The following DENND6A variants were observed in gnomAD, a reference collection of about 807,000 sequenced individuals.
DENND6A encodes the protein protein DENND6A.
A neutral mutation model predicts 95.5 loss-of-function variants in DENND6A; 43 were observed. The ratio of observed to expected loss-of-function variants is 0.45; its 90% CI spans 0.35 to 0.58. The LOEUF (loss-of-function observed/expected upper bound fraction) is 0.58, where lower values mean the gene tolerates loss of function less well. DENND6A is among the 20% of genes least tolerant of loss of function. The pLI is 0.00. For missense variants in DENND6A, 574 were observed against 736.0 expected, an observed-to-expected ratio of 0.78 and a Z score of 2.55; for synonymous variants, 257 against 260.4, an observed-to-expected ratio of 0.99 and a Z score of 0.13.
At chr3:57,662,438 A>C (rs980169131) in intron 5 of DENND6A, among the ~76,000 whole-genome samples, 3 of 151,886 alleles carry the variant, frequency 2.0e-5, no homozygotes, top group Non-Finnish European at 4.4e-5. Flanking sequence ...CCTAGACTTA[A>C]GCAATCTGCC....
chr3:57,668,539 G>A (rs2153416132), intron 3 of DENND6A, among the ~76,000 whole-genome samples: 1 of 152,278 alleles, frequency 6.6e-6, no homozygotes, highest in African/African-American at 2.4e-5. Flanking sequence ...TCAGAGGGAA[G>A]GCCCTCTTTA....
intron 5 of DENND6A, among the ~76,000 whole-genome samples, chr3:57,662,185 CTTTTTTTT>C (rs60063768): frequency 2.5e-5 from 2 of 79,136 alleles, no homozygotes; most frequent in African/African-American, 9.6e-5. Context: ...TTTCTTTTTT[CTTTTTTTT>C]TTTTTTTTTT....
At chr3:57,660,711 A>G in intron 7 of DENND6A, 49 bp downstream of exon 7, 1 of 1,517,510 alleles carries the variant, frequency 6.6e-7, no homozygotes, top group Non-Finnish European at 8.9e-7. Context: ...CTGTCTCAAA[A>G]AAATAAAAAT....
Position 57,630,475 on chromosome 3 carries a change from C to T in DENND6A, c.1566G>A (p.Arg522=). Residue 522 remains arginine (R), a synonymous_variant, in exon 18 of 20, where the codon AGG becomes AGA. Transcript: ENST00000311128. ...PNFDGWFKTR[R]KEMTQKLEAL... ...CCTCCAATTTTTGGGTCATTTCCTTCCTCCGGGTCTTAAACCAGCCATCAA... is the reference window on the plus strand; with the variant it reads ...CCTCCAATTTTTGGGTCATTTCCTTTCTCCGGGTCTTAAACCAGCCATCAA... 6.3e-7 allele frequency: 1 copy of T among 1,595,464 alleles called. No individual in the cohort carries two copies. Among genetic ancestry groups the T allele is most frequent in the Non-Finnish European group, 8.5e-7 (1 of 1,176,186 alleles).
intron 4 of DENND6A, among the ~76,000 whole-genome samples, chr3:57,665,329 C>G (rs1424713095): frequency 6.6e-6 from 1 of 152,060 alleles, no homozygotes; most frequent in Non-Finnish European, 1.5e-5. Flanking sequence ...GTGGGATGAC[C>G]TTGGGTAAGT....
chr3:57,651,275 T>C (rs2071204379), intron 9 of DENND6A, among the ~76,000 whole-genome samples: 1 of 152,216 alleles, frequency 6.6e-6, no homozygotes, highest in Non-Finnish European at 1.5e-5. Context: ...AAACGCACTT[T>C]CAACTTACAA....
At position 57,692,927 on chromosome 3, in the gene DENND6A, G is replaced by A; in HGVS notation, c.92C>T (p.Ala31Val). The stretch of plus-strand genomic sequence containing the variant: ...TGGCGCGCCTCCCGCCGCCACAAGG[G>A]CCGGCGCCTCGCGGCCCTCGGCCCC... ...VAGAEGREAP[A>V]LVAAGGAPED... The change falls in exon 1 of 20, where the codon GCC becomes GTC. Residue 31 changes from alanine (A) to valine (V), a missense_variant. Transcript: ENST00000311128. The A allele has an allele frequency of 3.2e-6, 5 of 1,565,742 alleles. No individual in the cohort carries two copies. Among genetic ancestry groups the A allele is most frequent in the Non-Finnish European group, 4.3e-6 (5 of 1,162,046 alleles).
chr3:57,659,041 T>C, intron 8 of DENND6A, 77 bp downstream of exon 8: 1 of 1,351,076 alleles, frequency 7.4e-7, no homozygotes, highest in Non-Finnish European at 1.0e-6. Context: ...CTCAAGAAAC[T>C]CTGCATTTGC....
intron 15 of DENND6A, chr3:57,631,201 A>G (rs1455298436): frequency 4.0e-6 from 2 of 498,592 alleles, no homozygotes; most frequent in African/African-American, 2.0e-5. Flanking sequence ...AGGGGACTAC[A>G]TTTTTTCTTT....
rs181021967 is a variant in DENND6A at position 57,668,461 on chromosome 3, C to G, written c.320-2226G>C. On this transcript the variant is annotated intron_variant, in intron 3 of 19. Transcript: ENST00000311128. ...TGGGCACTCATCACAGCTTAAGCCT[C>G]AGGAACACCTACATCCAGATGATGT... 4.1e-3 allele frequency among the ~76,000 whole-genome samples: 631 copies of G among 152,268 alleles called. 5 individuals carry two copies. Among genetic ancestry groups the G allele is most frequent in the African/African-American group, 0.015 (612 of 41,548 alleles).
chr3:57,667,936 G>A (rs1343028333), intron 3 of DENND6A, among the ~76,000 whole-genome samples: 1 of 151,896 alleles, frequency 6.6e-6, no homozygotes, highest in African/African-American at 2.4e-5. Flanking sequence ...TGCGGTGGCA[G>A]GCACCTGTAA....
At chr3:57,650,380 AT>A (rs547614122) in intron 9 of DENND6A, among the ~76,000 whole-genome samples, 134 of 151,610 alleles carry the variant, frequency 8.8e-4, no homozygotes, top group Admixed American at 1.6e-3. Context: ...TTAATAAAAA[AT>A]AATTTAATAT....
In DENND6A at chr3:57,660,772, C is replaced by T. The variant is rs2071409105; in HGVS notation, c.687G>A (p.Gly229=). Reference sequence around the variant, plus strand: ...TATAAGATATTACCTTCATTACCACCCCCATGATTGGCAGGTGTAATGTTT... The same window carrying T: ...TATAAGATATTACCTTCATTACCACTCCCATGATTGGCAGGTGTAATGTTT... The part of the protein sequence containing the change: ...PGKTLHLPIM[G]VVMKVRIPTC... The change falls in exon 7 of 20, where the codon GGG becomes GGA. Residue 229 remains glycine, a synonymous_variant. Coordinates refer to ENST00000311128, the MANE Select transcript of DENND6A (RefSeq NM_152678.3). 1 of 1,607,584 alleles carries T rather than the reference C, an allele frequency of 6.2e-7. No individual in the cohort carries two copies. Among genetic ancestry groups the T allele is most frequent in the African/African-American group, 1.3e-5 (1 of 74,564 alleles).
intron 9 of DENND6A, among the ~76,000 whole-genome samples, chr3:57,649,861 G>A (rs1370276249): frequency 7.3e-6 from 1 of 136,800 alleles, no homozygotes. Context: ...TATCCCACTA[G>A]ACCACGTCTC....
intron 12 of DENND6A, among the ~76,000 whole-genome samples, chr3:57,638,602 G>A (rs550904274): frequency 3.5e-4 from 53 of 152,222 alleles, no homozygotes; most frequent in African/African-American, 1.3e-3. Flanking sequence ...AGGTTGCAGT[G>A]AGCCAAGATT....
At chr3:57,635,577 TTATAA>T (rs1179126768) in intron 12 of DENND6A, among the ~76,000 whole-genome samples, 1 of 152,124 alleles carries the variant, frequency 6.6e-6, no homozygotes, top group Non-Finnish European at 1.5e-5. Context: ...ATTATAGAGA[TTATAA>T]TATAATTGAA....
intron 14 of DENND6A, 28 bp from the exon 15 acceptor site, chr3:57,633,382 T>G: frequency 6.4e-7 from 1 of 1,556,756 alleles, no homozygotes; most frequent in Non-Finnish European, 8.8e-7. Context: ...TGAGAATCTG[T>G]ATTCTAGTGT....
chr3:57,631,124 G>C (rs974255714), intron 15 of DENND6A, 146 bp from the exon 16 acceptor site: 4 of 641,300 alleles, frequency 6.2e-6, no homozygotes. Context: ...AAGAGATATA[G>C]CTAAATTTAG....
intron 9 of DENND6A, among the ~76,000 whole-genome samples, chr3:57,656,263 T>C (rs1190235554): frequency 1.3e-5 from 2 of 152,226 alleles, no homozygotes; most frequent in African/African-American, 2.4e-5. Flanking sequence ...ATCATATAAA[T>C]GGAATCATTC....
Sources: gnomAD v4.1 joint callset for allele counts (sites outside exome capture counted in the v4.1 genomes callset) on GRCh38, gnomAD v4.1.1 for gene constraint, MANE v1.5 for transcripts, NCBI Gene and HGNC (gene_info 2026-07-23, HGNC 2026-07-21) for gene names.